The following SCFD2 variants were observed in gnomAD, a reference collection of about 807,000 sequenced individuals.
SCFD2 encodes the protein sec1 family domain containing 2.
Under a neutral mutation model 58.9 loss-of-function variants are expected in SCFD2, and 54 were observed. The ratio of observed to expected loss-of-function variants is 0.92; its 90% CI spans 0.74 to 1.15. The LOEUF is 1.15. Ranked by LOEUF, SCFD2 falls within the 50% of genes most tolerant of loss-of-function variation. The pLI, the probability that SCFD2 is intolerant of heterozygous loss-of-function variation, is 0.00. For missense variants in SCFD2, 805 were observed against 836.6 expected (o/e 0.96, Z 0.47); for synonymous variants, 321 against 335.9 (o/e 0.96, Z 0.49).
chr4:53,000,667 C>T (rs745839021), intron 5 of SCFD2, among the ~76,000 whole-genome samples: 1 of 152,152 alleles, frequency 6.6e-6, no homozygotes, highest in Non-Finnish European at 1.5e-5. Flanking sequence ...AGCCTACTGC[C>T]CCTGGTCCTC....
intron 3 of SCFD2, among the ~76,000 whole-genome samples, chr4:53,275,912 T>C (rs1468624059): frequency 6.6e-6 from 1 of 152,182 alleles, no homozygotes; most frequent in Non-Finnish European, 1.5e-5. Context: ...TATCATAGTT[T>C]ATTTAGCCAT....
intron 4 of SCFD2, among the ~76,000 whole-genome samples, chr4:53,238,520 C>G (rs1347417046): frequency 6.6e-6 from 1 of 151,586 alleles, no homozygotes; most frequent in South Asian, 2.1e-4. Flanking sequence ...ACCTCCCTCC[C>G]GGATGGGGTG....
intron 4 of SCFD2, among the ~76,000 whole-genome samples, chr4:53,271,854 G>C (rs1731178858): frequency 6.6e-6 from 1 of 152,050 alleles, no homozygotes; most frequent in Non-Finnish European, 1.5e-5. Flanking sequence ...TTGACAAATG[G>C]GATCTCATTA....
At chr4:52,911,756 T>A (rs1283944333) in intron 6 of SCFD2, among the ~76,000 whole-genome samples, 2 of 152,218 alleles carry the variant, frequency 1.3e-5, no homozygotes, top group African/African-American at 4.8e-5. Context: ...AATGTGATAG[T>A]TATCAAGCTA....
chr4:53,301,496 A>T lies in SCFD2; in HGVS notation c.1135+12140T>A, dbSNP rs1237568429. ...CAAAAAAAACTCCAGGACCAGATGG[A>T]TTCACAGCCGAATTCTACCAGAGGT... On this transcript the variant is annotated intron_variant, in intron 3 of 8. Transcript: ENST00000401642. 3.3e-5 allele frequency among the ~76,000 whole-genome samples: 5 copies of T among 152,026 alleles called. No homozygotes were observed. In the East Asian group the frequency reaches 5.8e-4, roughly 18 times the overall value.
intron 5 of SCFD2, among the ~76,000 whole-genome samples, chr4:53,004,103 A>T (rs1210789057): frequency 2.0e-5 from 3 of 152,238 alleles, no homozygotes; most frequent in Non-Finnish European, 4.4e-5. Flanking sequence ...GCCTTCTATA[A>T]AAAGAAGCAG....
chr4:53,365,524 G>A lies in SCFD2; in HGVS notation c.418C>T (p.Leu140=). ...TTCATGTTGCCCATCCATTCACACA[G>A]CTTCTCCTCCAGCTGCTCGAACACC... The part of the protein sequence containing the change: ...QPVFEQLEEK[L]CEWMGNMNYT... The change falls in exon 1 of 9, where the codon CTG becomes TTG. Residue 140 remains leucine (L), a synonymous_variant. Transcript: ENST00000401642. The surrounding 1 kb of genome is among the most constrained non-coding windows in gnomAD (Gnocchi z 4.3). 1 of 1,614,192 alleles carries A rather than the reference G, an allele frequency of 6.2e-7. No individual in the cohort carries two copies. The highest frequency in any genetic ancestry group is 8.5e-7 in the Non-Finnish European group (1 of 1,180,038).
chr4:53,007,335 GGAGA>G (rs1204340553), intron 5 of SCFD2, among the ~76,000 whole-genome samples: 3 of 39,264 alleles, frequency 7.6e-5, no homozygotes, highest in Middle Eastern at 0.023. Flanking sequence ...AGAGAGAGAG[GGAGA>G]GAGAGAGAGA....
intron 4 of SCFD2, among the ~76,000 whole-genome samples, chr4:53,249,559 G>C (rs1401292567): frequency 1.3e-5 from 2 of 152,160 alleles, no homozygotes; most frequent in African/African-American, 2.4e-5. Flanking sequence ...CAGAGAGAAA[G>C]GTCAGGTTAC....
chr4:52,936,048 G>C (rs1470197596), intron 5 of SCFD2, among the ~76,000 whole-genome samples: 1 of 151,988 alleles, frequency 6.6e-6, no homozygotes, highest in East Asian at 1.9e-4. Context: ...TGCTGTTCAG[G>C]CTGGTCTCAA....
At chr4:53,036,180 G>A (rs1046362997) in intron 5 of SCFD2, among the ~76,000 whole-genome samples, 1 of 151,822 alleles carries the variant, frequency 6.6e-6, no homozygotes, top group South Asian at 2.1e-4. Flanking sequence ...ATTTACATTA[G>A]GTATTTCTCC....
chr4:53,221,422 C>T (rs1189857963), intron 4 of SCFD2, among the ~76,000 whole-genome samples: 2 of 152,130 alleles, frequency 1.3e-5, no homozygotes, highest in African/African-American at 2.4e-5. Flanking sequence ...GAAGATCTTG[C>T]CTTGTAATAA....
intron 5 of SCFD2, among the ~76,000 whole-genome samples, chr4:53,131,952 T>C (rs1266830450): frequency 6.6e-6 from 1 of 152,236 alleles, no homozygotes; most frequent in African/African-American, 2.4e-5. Flanking sequence ...ACTGCCAGCA[T>C]TGTCATAAAA....
chr4:52,891,018 C>G (rs971419180), intron 7 of SCFD2, among the ~76,000 whole-genome samples: 2 of 152,024 alleles, frequency 1.3e-5, no homozygotes, highest in Non-Finnish European at 2.9e-5. Flanking sequence ...ATGGGCAGGG[C>G]CTTGTAGAAG....
At chr4:53,228,694 C>T (rs972909010) in intron 4 of SCFD2, among the ~76,000 whole-genome samples, 3 of 151,986 alleles carry the variant, frequency 2.0e-5, no homozygotes, top group African/African-American at 7.3e-5. Context: ...GGAAGCATTC[C>T]CTTTGAAAAC....
intron 5 of SCFD2, among the ~76,000 whole-genome samples, chr4:53,081,164 C>G (rs1383530178): frequency 1.3e-5 from 2 of 152,150 alleles, no homozygotes; most frequent in African/African-American, 4.8e-5. Flanking sequence ...TGTGTGTTTG[C>G]AACATCTAGG....
At chr4:53,176,405 G>C (rs1315263382) in intron 4 of SCFD2, among the ~76,000 whole-genome samples, 2 of 152,160 alleles carry the variant, frequency 1.3e-5, no homozygotes, top group Non-Finnish European at 2.9e-5. Context: ...CTTTGGGAGT[G>C]AACTGCTGAG....
chr4:53,211,721 G>A (rs144976604), intron 4 of SCFD2, among the ~76,000 whole-genome samples: 2 of 152,238 alleles, frequency 1.3e-5, no homozygotes, highest in African/African-American at 4.8e-5. Context: ...GTCTTCTTCT[G>A]TGTTGATGAT....
At chr4:53,216,522 T>G (rs1464969540) in intron 4 of SCFD2, among the ~76,000 whole-genome samples, 5 of 152,340 alleles carry the variant, frequency 3.3e-5, no homozygotes, top group South Asian at 4.1e-4. Flanking sequence ...TTGCATCTAT[T>G]TGATTCTTCT....
Sources: allele counts gnomAD v4.1 joint callset (sites outside exome capture counted in the v4.1 genomes callset), GRCh38; gene constraint gnomAD v4.1.1; non-coding constraint Gnocchi (gnomAD v3.1); transcripts MANE v1.5; gene names NCBI Gene and HGNC (gene_info 2026-07-23, HGNC 2026-07-21).